The following CACNA2D3 variants were observed in gnomAD, a reference collection of about 807,000 sequenced individuals.
CACNA2D3 encodes the protein voltage-dependent calcium channel subunit alpha-2/delta-3.
In CACNA2D3, 60 loss-of-function variants were observed where a neutral mutation model predicts 160.6. That is an observed-to-expected ratio of 0.37 (90% CI 0.30 to 0.46). CACNA2D3 has a LOEUF of 0.46. Among genes scored for constraint, CACNA2D3 ranks in the 20% least tolerant of loss-of-function variants. The pLI is 1.00. For missense variants in CACNA2D3, 1,205 were observed against 1,365.0 expected (o/e 0.88, Z 1.85); for synonymous variants, 558 against 492.9 (o/e 1.13, Z -1.75).
In CACNA2D3 at chr3:54,484,141, C is replaced by T. The variant is rs79998487; in HGVS notation, c.382-19351C>T. ...AAGCAATGAAACACTACGGTACTCCCAGCATATCACCCTTAATGTAACTTT... is the reference window on the plus strand; with the variant it reads ...AAGCAATGAAACACTACGGTACTCCTAGCATATCACCCTTAATGTAACTTT... On this transcript the variant is annotated intron_variant, in intron 4 of 37. Transcript: ENST00000474759. Among the ~76,000 whole-genome samples the T allele has an allele frequency of 9.0e-3, 1,374 of 152,280 alleles. 25 individuals are homozygous for T. The highest frequency in any genetic ancestry group is 0.032 in the African/African-American group (1,311 of 41,542).
chr3:54,979,633 T>G (rs1356320932), intron 29 of CACNA2D3, among the ~76,000 whole-genome samples: 1 of 152,130 alleles, frequency 6.6e-6, no homozygotes, highest in Non-Finnish European at 1.5e-5. Flanking sequence ...ATTACTTCAG[T>G]TTTTTATTAG....
intron 27 of CACNA2D3, 148 bp from the exon 28 acceptor site, chr3:54,968,302 T>C (rs1252028144): frequency 1.7e-6 from 1 of 605,780 alleles, no homozygotes; most frequent in Non-Finnish European, 3.0e-6. Flanking sequence ...ACCTGAAAGA[T>C]AAAATGTTTT....
chr3:54,642,444 A>C (rs1045200994), intron 11 of CACNA2D3, among the ~76,000 whole-genome samples: 1 of 152,240 alleles, frequency 6.6e-6, no homozygotes, highest in Non-Finnish European at 1.5e-5. Context: ...GGAGAGAAGA[A>C]ACTTGTAAAG....
At position 54,285,250 on chromosome 3, in the gene CACNA2D3, C is replaced by T. The variant is rs111540976; in HGVS notation, c.205-35192C>T. Among the ~76,000 whole-genome samples the T allele has an allele frequency of 1.6e-4, 24 of 152,150 alleles. No homozygotes were observed. The South Asian group carries it at 1.7e-3, about 11-fold the overall frequency. On this transcript the variant is annotated intron_variant, in intron 2 of 37. Transcript: ENST00000474759. ...CCACCCTAATACTGTGCTTTTCCAACGGGCTTAAAAAACGGCACACCAGGA... is the reference window on the plus strand; with the variant it reads ...CCACCCTAATACTGTGCTTTTCCAATGGGCTTAAAAAACGGCACACCAGGA...
At chr3:54,753,998 GT>G (rs1485251892) in intron 12 of CACNA2D3, among the ~76,000 whole-genome samples, 12 of 152,150 alleles carry the variant, frequency 7.9e-5, no homozygotes, top group Non-Finnish European at 1.5e-4. Context: ...CTGAAAGTTT[GT>G]ATCCAGTTCT....
chr3:54,848,534 CCATT>C (rs201752982), intron 17 of CACNA2D3, among the ~76,000 whole-genome samples: 16,898 of 152,246 alleles, frequency 0.11, 1,006 homozygotes, highest in South Asian at 0.21. Flanking sequence ...GTCATCTGTC[CCATT>C]CATCTGTCTC....
chr3:54,980,620 T>C (rs1559453930), intron 29 of CACNA2D3, among the ~76,000 whole-genome samples: 2 of 152,214 alleles, frequency 1.3e-5, no homozygotes, highest in Admixed American at 6.5e-5. Flanking sequence ...AAGTAAGGGA[T>C]TTTAATTATG....
intron 11 of CACNA2D3, among the ~76,000 whole-genome samples, chr3:54,673,226 G>A (rs2106901470): frequency 6.6e-6 from 1 of 152,322 alleles, no homozygotes; most frequent in South Asian, 2.1e-4. Context: ...GACCACATCA[G>A]TTTTCTTGGA....
chr3:54,453,026 C>G (rs1700335875), intron 4 of CACNA2D3, among the ~76,000 whole-genome samples: 1 of 151,962 alleles, frequency 6.6e-6, no homozygotes, highest in Non-Finnish European at 1.5e-5. Flanking sequence ...GGGTCCCTCT[C>G]TGTCACCCAA....
chr3:54,818,030 G>T (rs1480507598), intron 14 of CACNA2D3, among the ~76,000 whole-genome samples: 4 of 135,994 alleles, frequency 2.9e-5, no homozygotes, highest in African/African-American at 1.0e-4. Context: ...ACCTACATTT[G>T]AATTTTTTTG....
At chr3:54,305,217 A>G (rs560168741) in intron 2 of CACNA2D3, among the ~76,000 whole-genome samples, 14 of 152,310 alleles carry the variant, frequency 9.2e-5, no homozygotes, top group Middle Eastern at 3.4e-3. Flanking sequence ...TGAACTTGAC[A>G]CTTTATGTAT....
In CACNA2D3 at chr3:54,850,178, T is replaced by A. The variant is rs1410130433; in HGVS notation, c.1626+3711T>A. Among the ~76,000 whole-genome samples, 4 of 152,150 alleles carry A rather than the reference T, an allele frequency of 2.6e-5. No individual in the cohort carries two copies. The East Asian group carries it at 7.7e-4, about 29-fold the overall frequency. On this transcript the variant is annotated intron_variant, in intron 17 of 37. Coordinates refer to ENST00000474759, the MANE Select transcript of CACNA2D3 (RefSeq NM_018398.3). Reference sequence around the variant, plus strand: ...TGTGACTTCCTGATAGATTAACTGATGTTGGTTCAGCAAGCATTGCCCTTG... The same window carrying A: ...TGTGACTTCCTGATAGATTAACTGAAGTTGGTTCAGCAAGCATTGCCCTTG...
chr3:54,678,110 A>C (rs1285010646), intron 11 of CACNA2D3, among the ~76,000 whole-genome samples: 2 of 152,136 alleles, frequency 1.3e-5, no homozygotes, highest in African/African-American at 4.8e-5. Flanking sequence ...GGTCTGGAAA[A>C]AGTTCCAGGA....
chr3:54,402,325 A>G (rs978548688), intron 4 of CACNA2D3, among the ~76,000 whole-genome samples: 5 of 152,192 alleles, frequency 3.3e-5, no homozygotes, highest in African/African-American at 4.8e-5. Flanking sequence ...TCTCCAACCA[A>G]AAGACATAGA....
At chr3:55,039,364 A>G (rs1397865425) in intron 35 of CACNA2D3, among the ~76,000 whole-genome samples, 1 of 152,190 alleles carries the variant, frequency 6.6e-6, no homozygotes, top group East Asian at 1.9e-4. Context: ...TTCTGATTTG[A>G]TGCACAAATC....
At chr3:54,524,787 A>G (rs143397832) in intron 5 of CACNA2D3, among the ~76,000 whole-genome samples, 26 of 152,132 alleles carry the variant, frequency 1.7e-4, no homozygotes, top group African/African-American at 5.8e-4. Context: ...TATTTGTCTC[A>G]TATTATTCTA....
intron 2 of CACNA2D3, among the ~76,000 whole-genome samples, chr3:54,204,124 C>A (rs1701226089): frequency 6.6e-6 from 1 of 152,062 alleles, no homozygotes; most frequent in African/African-American, 2.4e-5. Flanking sequence ...ATTGGGATTT[C>A]TACCATTGGG....
intron 2 of CACNA2D3, among the ~76,000 whole-genome samples, chr3:54,193,760 GTGT>G (rs374238067): frequency 7.9e-5 from 12 of 152,184 alleles, no homozygotes; most frequent in African/African-American, 2.9e-4. Context: ...GAATTACAAT[GTGT>G]TGTTGTTGAG....
chr3:54,882,747 G>A (rs948761226), intron 21 of CACNA2D3, among the ~76,000 whole-genome samples: 4 of 152,032 alleles, frequency 2.6e-5, no homozygotes, highest in African/African-American at 9.7e-5. Context: ...TAGGAGCCGT[G>A]GTGTATTATT....
Sources: gnomAD v4.1 joint callset for allele counts (sites outside exome capture counted in the v4.1 genomes callset) on GRCh38, gnomAD v4.1.1 for gene constraint, MANE v1.5 for transcripts, NCBI Gene and HGNC (gene_info 2026-07-23, HGNC 2026-07-21) for gene names.